The following ADAMTSL2 variants were observed in gnomAD, a reference collection of about 807,000 sequenced individuals.
ADAMTSL2 encodes ADAMTS like 2, also known as ADAMTS-like protein 2.
A neutral mutation model predicts 117.0 loss-of-function variants in ADAMTSL2; 55 were observed. The ratio of observed to expected loss-of-function variants is 0.47; its 90% CI spans 0.38 to 0.59. The LOEUF (loss-of-function observed/expected upper bound fraction) is 0.59, where lower values mean the gene tolerates loss of function less well. Ranked by LOEUF, ADAMTSL2 falls within the 20% of genes least tolerant of loss-of-function variation. The probability of loss-of-function intolerance (pLI) is 0.00; values close to 1 mark genes in which losing one functional copy is unlikely to be tolerated. For synonymous variants in ADAMTSL2, 572 were observed against 566.4 expected (o/e 1.01, Z -0.14); for missense variants, 1,182 against 1,354.5 (o/e 0.87, Z 2.00).
intron 11 of ADAMTSL2, among the ~76,000 whole-genome samples, chr9:133,556,969 G>T (rs1456647380): frequency 6.6e-5 from 10 of 152,236 alleles, no homozygotes; most frequent in African/African-American, 2.4e-4. Context: ...GTGAGTGGGG[G>T]TTGGAGGCAG....
chr9:133,568,242 G>GA, intron 13 of ADAMTSL2, 31 bp from the exon 14 acceptor site: 1 of 1,544,740 alleles, frequency 6.5e-7, no homozygotes, highest in Non-Finnish European at 8.7e-7. Flanking sequence ...CCATGGGGGG[G>GA]ATCATTGAAG....
At chr9:133,571,478 T>G (rs1311237887) in intron 17 of ADAMTSL2, among the ~76,000 whole-genome samples, 1 of 152,182 alleles carries the variant, frequency 6.6e-6, no homozygotes, top group Non-Finnish European at 1.5e-5. Context: ...CCCAGTTGTC[T>G]TGCAGAGCAA....
chr9:133,539,746 G>A lies in ADAMTSL2; in HGVS notation c.310-25G>A, dbSNP rs965655459. The A allele has an allele frequency of 4.7e-6, 6 of 1,283,860 alleles. No homozygotes were observed. The African/African-American group carries it at 6.2e-5, about 13-fold the overall frequency. 79.5% of individuals were successfully genotyped at this position (1,283,860 alleles called of 1,614,324 possible). ...TTTGTCGGGCCGAGTTCCTCCCGGAGCCTCCCTGTCCCTTCGCTTCCCAGG... is the reference window on the plus strand; with the variant it reads ...TTTGTCGGGCCGAGTTCCTCCCGGAACCTCCCTGTCCCTTCGCTTCCCAGG... On this transcript the variant is annotated intron_variant, in intron 4 of 18. Transcript: ENST00000651351.
rs1279621676 is a variant in ADAMTSL2 at position 133,558,049 on chromosome 9, A to G, written c.1649+2119A>G. 6.6e-6 allele frequency among the ~76,000 whole-genome samples: 1 copy of G among 152,096 alleles called. No individual in the cohort carries two copies. Among genetic ancestry groups the G allele is most frequent in the African/African-American group, 2.4e-5 (1 of 41,398 alleles). ...CATGGCACAAGCTTACGGATCCTCAAGCCGCTTTGTAAAGAGTCTCTCCTG... is the reference window on the plus strand; with the variant it reads ...CATGGCACAAGCTTACGGATCCTCAGGCCGCTTTGTAAAGAGTCTCTCCTG... On this transcript the variant is annotated intron_variant, in intron 11 of 18. Coordinates refer to ENST00000651351, the MANE Select transcript of ADAMTSL2 (RefSeq NM_014694.4). This position sits in a 1 kb window ranked among gnomAD's most constrained non-coding sequence, Gnocchi z 4.3.
intron 12 of ADAMTSL2, among the ~76,000 whole-genome samples, chr9:133,563,864 GGAGAGA>G (rs1830819242): frequency 6.2e-5 from 1 of 16,218 alleles, no homozygotes; most frequent in East Asian, 1.2e-3. Context: ...AGAGAGAGAG[GGAGAGA>G]GAGAGAGAGA....
chr9:133,552,726 C>T (rs1289201173), intron 9 of ADAMTSL2, among the ~76,000 whole-genome samples: 1 of 152,198 alleles, frequency 6.6e-6, no homozygotes, highest in Non-Finnish European at 1.5e-5. Context: ...CAGCACCCAT[C>T]CAGACTCGGA....
chr9:133,571,104 A>G (rs1015426118), intron 17 of ADAMTSL2, among the ~76,000 whole-genome samples: 7 of 152,110 alleles, frequency 4.6e-5, no homozygotes, highest in Non-Finnish European at 1.0e-4. Context: ...TTCTCTTTGT[A>G]GAGGGGAGGA....
intron 13 of ADAMTSL2, 43 bp downstream of exon 13, chr9:133,567,105 C>A (rs889643898): frequency 1.1e-5 from 18 of 1,577,626 alleles, no homozygotes; most frequent in Non-Finnish European, 1.4e-5. Flanking sequence ...CGGCAGGGGG[C>A]GTGAGGGGCT....
chr9:133,540,794 C>G, intron 6 of ADAMTSL2, 51 bp downstream of exon 6: 3 of 1,613,414 alleles, frequency 1.9e-6, no homozygotes, highest in Non-Finnish European at 2.5e-6. Flanking sequence ...TGCTGACTGC[C>G]CGCCCGCCTG....
chr9:133,550,160 G>T (rs892792178), intron 9 of ADAMTSL2, among the ~76,000 whole-genome samples: 4 of 152,312 alleles, frequency 2.6e-5, no homozygotes, highest in African/African-American at 7.2e-5. Context: ...TTTAGAGATG[G>T]GTCGGCTTGC....
At chr9:133,569,319 C>A in intron 15 of ADAMTSL2, 89 bp from the exon 16 acceptor site, 2 of 1,377,770 alleles carry the variant, frequency 1.5e-6, no homozygotes, top group Non-Finnish European at 2.0e-6. Flanking sequence ...GCCTGGGAGC[C>A]ACTCCTCTCC....
chr9:133,554,457 C>T lies in ADAMTSL2; in HGVS notation c.1040C>T (p.Ser347Phe). ...SRPQPIYYGF[S>F]ESAESQGLDG... ...CCCCAGCCCATCTACTATGGCTTCT[C>T]CGAGAGCGCTGAGAGCCAGGGCCTG... The change falls in exon 10 of 19, where the codon TCC (serine) becomes TTC (phenylalanine). Residue 347 changes from serine to phenylalanine, a missense_variant. Around this residue, in one of 3 missense-constraint regions of ADAMTSL2, gnomAD observed 345 missense variants for 325.8 expected, o/e 1.06. Transcript: ENST00000651351. The surrounding 1 kb of genome is among the most constrained non-coding windows in gnomAD (Gnocchi z 5.2). 12 of 1,557,744 alleles carry T rather than the reference C, an allele frequency of 7.7e-6. No homozygotes were observed. The highest frequency in any genetic ancestry group is 1.0e-5 in the Non-Finnish European group (12 of 1,151,176).
At chr9:133,540,347 A>C (rs552262485) in intron 5 of ADAMTSL2, among the ~76,000 whole-genome samples, 1 of 152,172 alleles carries the variant, frequency 6.6e-6, no homozygotes, top group Non-Finnish European at 1.5e-5. Flanking sequence ...CAGAGGGGGA[A>C]CCCCAGTATG....
At chr9:133,560,050 G>A (rs1298512089) in intron 11 of ADAMTSL2, among the ~76,000 whole-genome samples, 1 of 152,226 alleles carries the variant, frequency 6.6e-6, no homozygotes, top group Non-Finnish European at 1.5e-5. Flanking sequence ...CTAACACATT[G>A]TAAACTCCCC....
intron 9 of ADAMTSL2, among the ~76,000 whole-genome samples, chr9:133,548,777 TGC>T (rs1370664043): frequency 1.3e-5 from 2 of 152,120 alleles, no homozygotes; most frequent in Admixed American, 6.5e-5. Flanking sequence ...TGTGAACTGT[TGC>T]GCACCCACCC....
chr9:133,564,121 A>G (rs1338262678), intron 12 of ADAMTSL2, among the ~76,000 whole-genome samples: 2 of 47,040 alleles, frequency 4.3e-5, no homozygotes, highest in Non-Finnish European at 4.3e-5. Context: ...AAAAAGGGGG[A>G]GAGAGAGAGA....
upstream of ADAMTSL2, among the ~76,000 whole-genome samples, chr9:133,532,793 G>A (rs1403383615): frequency 1.3e-5 from 2 of 152,280 alleles, no homozygotes; most frequent in East Asian, 3.9e-4. Flanking sequence ...TGGGGGTGGT[G>A]TGGAAGTGTG....
chr9:133,534,728 C>G lies in ADAMTSL2; in HGVS notation c.-340C>G. 7.2e-7 allele frequency: 1 copy of G among 1,383,824 alleles called. No individual in the cohort carries two copies. The highest frequency in any genetic ancestry group is 9.4e-7 in the Non-Finnish European group (1 of 1,062,116). 85.7% of individuals were successfully genotyped at this position (1,383,824 alleles called of 1,614,324 possible). A position where few individuals can be genotyped will look rare whatever the true frequency, so the allele number is the denominator to read the frequency against. The stretch of plus-strand genomic sequence containing the variant: ...CACTGGGCTGCGCCCCTCCCGGGAA[C>G]CCCCTCTCTTGGATGCTCTTTGAAG... On this transcript the variant is annotated 5_prime_UTR_variant, in exon 1 of 19. Coordinates refer to ENST00000651351, the MANE Select transcript of ADAMTSL2 (RefSeq NM_014694.4).
intron 15 of ADAMTSL2, 71 bp downstream of exon 15, chr9:133,568,829 C>A: frequency 6.2e-7 from 1 of 1,600,276 alleles, no homozygotes; most frequent in Non-Finnish European, 8.5e-7. Flanking sequence ...CTTGATGTGC[C>A]TCAGTTTCCA....
Sources: gnomAD v4.1 joint callset for allele counts (sites outside exome capture counted in the v4.1 genomes callset) on GRCh38, gnomAD v4.1.1 for gene constraint, gnomAD v4.1.1 regional missense constraint, Gnocchi (gnomAD v3.1) non-coding constraint, MANE v1.5 for transcripts, NCBI Gene and HGNC (gene_info 2026-07-23, HGNC 2026-07-21) for gene names.